Variants in RNF217 observed in about 807,000 individuals in gnomAD.
RNF217 encodes the protein ring finger protein 217.
In RNF217, 31 loss-of-function variants were observed where a neutral mutation model predicts 57.8. The ratio of observed to expected loss-of-function variants is 0.54; its 90% CI spans 0.40 to 0.72. RNF217 has a LOEUF of 0.72. Ranked by LOEUF, RNF217 falls within the 30% of genes least tolerant of loss-of-function variation. The pLI is 0.00. For missense variants in RNF217, 696 were observed against 708.3 expected, an observed-to-expected ratio of 0.98 and a Z score of 0.20; for synonymous variants, 313 against 294.0, an observed-to-expected ratio of 1.06 and a Z score of -0.66.
intron 3 of RNF217, among the ~76,000 whole-genome samples, chr6:125,066,142 A>G (rs1367372482): frequency 1.3e-5 from 2 of 152,142 alleles, no homozygotes; most frequent in South Asian, 2.1e-4. Flanking sequence ...CCCCACTATC[A>G]CTAACCTGGG....
At chr6:125,046,693 A>T in intron 2 of RNF217, 1 of 455,812 alleles carries the variant, frequency 2.2e-6, no homozygotes, top group Non-Finnish European at 4.4e-6. Context: ...CTTTCTTGAG[A>T]GCAGCAGTTA....
intron 1 of RNF217, among the ~76,000 whole-genome samples, chr6:124,994,962 A>G (rs1312848239): frequency 6.6e-6 from 1 of 152,208 alleles, no homozygotes; most frequent in African/African-American, 2.4e-5. Context: ...TTGTAAATTC[A>G]GGCTACTAAT....
intron 1 of RNF217, among the ~76,000 whole-genome samples, chr6:125,035,539 G>A (rs1173393674): frequency 1.3e-5 from 2 of 152,178 alleles, no homozygotes; most frequent in African/African-American, 2.4e-5. Context: ...TTGCTTTGGA[G>A]TTCTTTATAT....
At chr6:124,985,121 T>C (rs1179581221) in intron 1 of RNF217, among the ~76,000 whole-genome samples, 8 of 152,172 alleles carry the variant, frequency 5.3e-5, no homozygotes. Context: ...AGATAGTGTC[T>C]CACACTTAAA....
At chr6:125,030,152 A>G (rs575238357) in intron 1 of RNF217, among the ~76,000 whole-genome samples, 11 of 152,262 alleles carry the variant, frequency 7.2e-5, no homozygotes, top group South Asian at 4.2e-4. Context: ...GAATAGCATG[A>G]GAAAGACCAG....
At chr6:124,994,129 A>G (rs185375266) in intron 1 of RNF217, among the ~76,000 whole-genome samples, 25 of 151,678 alleles carry the variant, frequency 1.6e-4, no homozygotes, top group African/African-American at 6.0e-4. Flanking sequence ...TAGCCTAGAG[A>G]AAAAAAAATA....
intron 1 of RNF217, among the ~76,000 whole-genome samples, chr6:124,972,766 G>A (rs949017471): frequency 6.6e-6 from 1 of 152,040 alleles, no homozygotes; most frequent in African/African-American, 2.4e-5. Context: ...ATTCTTCTGG[G>A]AGAATCTTCT....
At chr6:125,005,930 A>G (rs940831554) in intron 1 of RNF217, 2 of 152,240 alleles carry the variant, frequency 1.3e-5, no homozygotes, top group African/African-American at 4.8e-5. Context: ...GATAAAAATC[A>G]TTTATACTGT....
intron 1 of RNF217, among the ~76,000 whole-genome samples, chr6:125,015,098 A>C (rs1785553541): frequency 6.6e-6 from 1 of 152,194 alleles, no homozygotes; most frequent in Non-Finnish European, 1.5e-5. Context: ...GCAATCACTT[A>C]GAAGTTTCAT....
chr6:125,033,444 G>A (rs550840911), intron 1 of RNF217, among the ~76,000 whole-genome samples: 3 of 127,890 alleles, frequency 2.3e-5, no homozygotes, highest in African/African-American at 8.0e-5. Flanking sequence ...AACATGCGGT[G>A]TTTGGTTTTT....
At chr6:125,034,157 C>T (rs1274936636) in intron 1 of RNF217, among the ~76,000 whole-genome samples, 1 of 152,132 alleles carries the variant, frequency 6.6e-6, no homozygotes, top group Non-Finnish European at 1.5e-5. Flanking sequence ...CCTATTCATT[C>T]TGATGGTAGT....
At chr6:125,009,124 G>T in intron 1 of RNF217, 1 of 1,073,998 alleles carries the variant, frequency 9.3e-7, no homozygotes, top group Non-Finnish European at 1.3e-6. Flanking sequence ...TATGTATAAA[G>T]GGATTTGTTC....
intron 1 of RNF217, 35 bp downstream of exon 1, chr6:124,963,461 TC>T: frequency 7.0e-7 from 1 of 1,435,364 alleles, no homozygotes; most frequent in Non-Finnish European, 9.1e-7. Context: ...CATTTATCAT[TC>T]CAAATCACTG....
chr6:125,059,571 A>G (rs1787653851), intron 3 of RNF217, among the ~76,000 whole-genome samples: 1 of 152,228 alleles, frequency 6.6e-6, no homozygotes, highest in African/African-American at 2.4e-5. Flanking sequence ...GCCTGGTTCT[A>G]CAACTGGATT....
chr6:125,072,753 G>A (rs1788197695), intron 3 of RNF217, among the ~76,000 whole-genome samples: 1 of 152,206 alleles, frequency 6.6e-6, no homozygotes, highest in Non-Finnish European at 1.5e-5. Context: ...TGTGGAGGGA[G>A]AGCTGACATG....
At chr6:125,052,286 G>GTA (rs772550591) in intron 2 of RNF217, among the ~76,000 whole-genome samples, 8 of 122,392 alleles carry the variant, frequency 6.5e-5, no homozygotes, top group African/African-American at 3.2e-4. Context: ...CATGCGTTTT[G>GTA]TGTGTGTGTG....
At position 125,048,253 on chromosome 6, in the gene RNF217, T is replaced by C. The variant is rs1219573796; in HGVS notation, c.1116+2809T>C. The C allele has an allele frequency of 2.2e-6, 3 of 1,349,220 alleles. No individual in the cohort carries two copies. The Admixed American group carries it at 6.0e-5, about 27-fold the overall frequency. The allele number at this position is 1,349,220 out of a possible 1,614,324, so 83.6% of individuals were successfully genotyped here. A position where few individuals can be genotyped will look rare whatever the true frequency, so the allele number is the denominator to read the frequency against. On this transcript the variant is annotated intron_variant, in intron 2 of 5. Coordinates refer to ENST00000521654, the MANE Select transcript of RNF217 (RefSeq NM_001286398.3). ...AGACTAAGATCTTTGTTCTTTGTGA[T>C]GAACAGGTGAACATTTTTTATTTTG...
intron 3 of RNF217, among the ~76,000 whole-genome samples, chr6:125,060,680 A>G (rs1175474508): frequency 1.3e-5 from 2 of 152,022 alleles, no homozygotes; most frequent in Non-Finnish European, 2.9e-5. Context: ...CCTGACCTCA[A>G]GTGGTCCACC....
chr6:124,974,427 C>T (rs1783881899), intron 1 of RNF217, among the ~76,000 whole-genome samples: 1 of 152,016 alleles, frequency 6.6e-6, no homozygotes, highest in Admixed American at 6.6e-5. Flanking sequence ...TTTAATAATA[C>T]AGATTCATGT....
Sources: allele counts gnomAD v4.1 joint callset (sites outside exome capture counted in the v4.1 genomes callset), GRCh38; gene constraint gnomAD v4.1.1; transcripts MANE v1.5; gene names NCBI Gene and HGNC (gene_info 2026-07-23, HGNC 2026-07-21).